The following NFKB1 variants were observed in gnomAD, a reference collection of about 807,000 sequenced individuals.
The protein encoded by NFKB1 is nuclear factor kappa B subunit 1.
In NFKB1, 9 loss-of-function variants were observed where a neutral mutation model predicts 105.1. That is an observed-to-expected ratio of 0.09 (90% CI 0.05 to 0.15). The LOEUF is 0.15. Ranked by LOEUF, NFKB1 falls within the 10% of genes least tolerant of loss-of-function variation. The pLI, the probability that NFKB1 is intolerant of heterozygous loss-of-function variation, is 1.00. For synonymous variants in NFKB1, 440 were observed against 442.2 expected (o/e 1.00, Z 0.06); for missense variants, 830 against 1,203.7 (o/e 0.69, Z 4.59).
intron 11 of NFKB1, among the ~76,000 whole-genome samples, chr4:102,586,986 T>A (rs1476298498): frequency 6.6e-6 from 1 of 152,254 alleles, no homozygotes; most frequent in Non-Finnish European, 1.5e-5. Context: ...GGTTGTGGCC[T>A]CTCCATTGTT....
At chr4:102,592,021 A>T (rs1355238066) in intron 11 of NFKB1, among the ~76,000 whole-genome samples, 1 of 152,236 alleles carries the variant, frequency 6.6e-6, no homozygotes, top group Non-Finnish European at 1.5e-5. Flanking sequence ...TCAAGGCTTC[A>T]GTGAAGGAAG....
At chr4:102,576,375 A>G (rs1444490903) in intron 6 of NFKB1, among the ~76,000 whole-genome samples, 1 of 152,178 alleles carries the variant, frequency 6.6e-6, no homozygotes, top group Non-Finnish European at 1.5e-5. Flanking sequence ...TGAATTTTTA[A>G]TACAGCTCCC....
At chr4:102,588,459 A>T (rs963053945) in intron 11 of NFKB1, among the ~76,000 whole-genome samples, 36 of 152,112 alleles carry the variant, frequency 2.4e-4, no homozygotes, top group Non-Finnish European at 3.1e-4. Flanking sequence ...AAAAATAAAA[A>T]AAAAATAAAA....
At chr4:102,611,075 G>A (rs187277044) in intron 20 of NFKB1, among the ~76,000 whole-genome samples, 1 of 152,312 alleles carries the variant, frequency 6.6e-6, no homozygotes, top group East Asian at 1.9e-4. Context: ...ATTTCAGGAT[G>A]TAAAAATAAA....
Position 102,594,992 on chromosome 4 carries a change from C to T in NFKB1, c.1300+11C>T. The stretch of plus-strand genomic sequence containing the variant: ...CTGGGATGAAGCATGGTAAGTAATG[C>T]TTTGTTCTTAATACCAAGAAAGGAA... On this transcript the variant is annotated intron_variant, in intron 13 of 23. Coordinates refer to ENST00000226574, the MANE Select transcript of NFKB1 (RefSeq NM_003998.4). 2 of 1,574,936 alleles carry T rather than the reference C, an allele frequency of 1.3e-6. No homozygotes were observed. The highest frequency in any genetic ancestry group is 1.7e-6 in the Non-Finnish European group (2 of 1,147,898).
chr4:102,605,486 A>G (rs917138184), intron 16 of NFKB1, among the ~76,000 whole-genome samples: 4 of 152,236 alleles, frequency 2.6e-5, no homozygotes, highest in Non-Finnish European at 5.9e-5. Context: ...TGGATGTCAT[A>G]GTTAGGCTCC....
intron 5 of NFKB1, among the ~76,000 whole-genome samples, chr4:102,559,559 A>AT (rs1004777720): frequency 3.1e-4 from 47 of 152,028 alleles, no homozygotes; most frequent in African/African-American, 1.1e-3. Context: ...GATAGAGGAT[A>AT]TTTTTTTGAA....
chr4:102,588,194 A>G (rs1578799396), intron 11 of NFKB1, among the ~76,000 whole-genome samples: 1 of 152,174 alleles, frequency 6.6e-6, no homozygotes, highest in Non-Finnish European at 1.5e-5. Context: ...TTATTGATTG[A>G]CCAGCCAAGC....
intron 7 of NFKB1, 99 bp downstream of exon 7, chr4:102,577,138 C>A (rs1724891378): frequency 4.1e-6 from 5 of 1,227,030 alleles, no homozygotes; most frequent in Non-Finnish European, 5.6e-6. Flanking sequence ...CCAGTCTCTA[C>A]CCCACACTGC....
intron 11 of NFKB1, among the ~76,000 whole-genome samples, chr4:102,587,731 G>C (rs1017548910): frequency 4.6e-5 from 7 of 152,124 alleles, no homozygotes; most frequent in Admixed American, 2.0e-4. Flanking sequence ...AGCTCTGAAG[G>C]AAAGAATGGA....
intron 1 of NFKB1, among the ~76,000 whole-genome samples, chr4:102,502,645 A>G (rs74649783): frequency 0.014 from 2,147 of 152,282 alleles, 38 homozygotes; most frequent in Non-Finnish European, 0.017. Flanking sequence ...GTCCTTAAAA[A>G]CAGACACCAG....
rs148306531 is a variant in NFKB1 at position 102,509,369 on chromosome 4, A to C, written c.-8+7581A>C. 5.9e-5 allele frequency among the ~76,000 whole-genome samples: 9 copies of C among 152,266 alleles called. No individual in the cohort carries two copies. The East Asian group carries it at 1.2e-3, about 20-fold the overall frequency. The stretch of plus-strand genomic sequence containing the variant: ...AATTCTTTTTTTGTGATGGGTGGGG[A>C]AGTATCCCATTTCTCTTAGAAAGTC... On this transcript the variant is annotated intron_variant, in intron 1 of 23. Transcript: ENST00000226574.
chr4:102,583,910 G>A lies in NFKB1; in HGVS notation c.928-772G>A, dbSNP rs534669227. Among the ~76,000 whole-genome samples, 54 of 152,216 alleles carry A rather than the reference G, an allele frequency of 3.5e-4. 1 individual carries two copies. Among genetic ancestry groups the A allele is most frequent in the Admixed American group, 1.5e-3 (23 of 15,288 alleles). On this transcript the variant is annotated intron_variant, in intron 10 of 23. Transcript: ENST00000226574. ...TTATTCAAAAGAATGAGTACTCTGC[G>A]AACTAATATAGAAAGATCTCAGTTA...
intron 5 of NFKB1, among the ~76,000 whole-genome samples, chr4:102,550,925 T>C (rs1296176731): frequency 6.6e-6 from 1 of 152,216 alleles, no homozygotes; most frequent in Non-Finnish European, 1.5e-5. Flanking sequence ...CAGTTTCACA[T>C]CTTTCATTTA....
At chr4:102,605,808 G>A (rs1207987058) in intron 16 of NFKB1, among the ~76,000 whole-genome samples, 1 of 152,146 alleles carries the variant, frequency 6.6e-6, no homozygotes, top group African/African-American at 2.4e-5. Context: ...GTGTAGGAAA[G>A]CTATATTGAC....
intron 1 of NFKB1, chr4:102,510,745 G>A (rs1027040023): frequency 8.0e-5 from 14 of 175,394 alleles, no homozygotes; most frequent in African/African-American, 3.3e-4. Context: ...GAAAACTTGA[G>A]ACAAAAATTG....
At position 102,616,795 on chromosome 4, in the gene NFKB1, G is replaced by A. The variant is rs1029166077; in HGVS notation, c.*201G>A. The A allele has an allele frequency of 1.9e-6, 1 of 533,116 alleles. No homozygotes were observed. Among genetic ancestry groups the A allele is most frequent in the Non-Finnish European group, 3.3e-6 (1 of 304,144 alleles). 33.0% of individuals were successfully genotyped at this position (533,116 alleles called of 1,614,324 possible). On this transcript the variant is annotated 3_prime_UTR_variant, in exon 24 of 24. Coordinates refer to ENST00000226574, the MANE Select transcript of NFKB1 (RefSeq NM_003998.4). ...TTTTAGTTTGGTTCACTTACAGATA[G>A]TATCTAGCAATCACAACACTGGCTG...
At chr4:102,538,414 T>C (rs751761639) in intron 5 of NFKB1, among the ~76,000 whole-genome samples, 10 of 152,228 alleles carry the variant, frequency 6.6e-5, no homozygotes, top group Admixed American at 1.3e-4. Context: ...CCAATACTTC[T>C]AAACTTCAGT....
chr4:102,573,137 C>T (rs545762407), intron 6 of NFKB1, among the ~76,000 whole-genome samples: 4 of 151,952 alleles, frequency 2.6e-5, no homozygotes, highest in Admixed American at 2.0e-4. Flanking sequence ...GGAGAAACCC[C>T]GTCTCTACTA....
Sources: allele counts gnomAD v4.1 joint callset (sites outside exome capture counted in the v4.1 genomes callset), GRCh38; gene constraint gnomAD v4.1.1; transcripts MANE v1.5; gene names NCBI Gene and HGNC (gene_info 2026-07-23, HGNC 2026-07-21).